The following VOPP1 variants were observed in gnomAD, a reference collection of about 807,000 sequenced individuals.
The protein encoded by VOPP1 is VOPP1 WW domain binding protein, also known as WW domain binding protein VOPP1.
A neutral mutation model predicts 23.5 loss-of-function variants in VOPP1; 8 were observed. That is an observed-to-expected ratio of 0.34 (90% CI 0.20 to 0.61). VOPP1 has a LOEUF of 0.61. VOPP1 is among the 20% of genes least tolerant of loss of function. VOPP1 has a pLI of 0.78. For synonymous variants in VOPP1, 83 were observed against 97.3 expected (o/e 0.85, Z 0.86); for missense variants, 174 against 238.1 (o/e 0.73, Z 1.77).
chr7:55,538,732 C>T, intron 1 of VOPP1: 1 of 1,423,836 alleles, frequency 7.0e-7, no homozygotes, highest in South Asian at 1.2e-5. Flanking sequence ...TGAGTCATGG[C>T]CATTCCTATA....
chr7:55,544,573 C>A (rs748589925), intron 1 of VOPP1, among the ~76,000 whole-genome samples: 28 of 152,148 alleles, frequency 1.8e-4, no homozygotes, highest in Admixed American at 3.3e-4. Context: ...TTTGGGTCTT[C>A]CCAAAAAGAA....
intron 4 of VOPP1, among the ~76,000 whole-genome samples, chr7:55,437,957 C>T (rs551583081): frequency 2.7e-4 from 40 of 150,588 alleles, no homozygotes; most frequent in African/African-American, 8.3e-4. Context: ...TACAGTGGCA[C>T]GATCTCAGCT....
chr7:55,479,241 G>C (rs1201836799), intron 4 of VOPP1, among the ~76,000 whole-genome samples: 1 of 151,452 alleles, frequency 6.6e-6, no homozygotes, highest in Non-Finnish European at 1.5e-5. Flanking sequence ...TGCCATGCTG[G>C]TGTGCTGCAC....
chr7:55,463,338 C>T (rs1791552854), intron 4 of VOPP1, among the ~76,000 whole-genome samples: 1 of 152,132 alleles, frequency 6.6e-6, no homozygotes, highest in Non-Finnish European at 1.5e-5. Flanking sequence ...ATTCTGTTTC[C>T]TTGCTTTTTC....
chr7:55,449,499 G>A (rs1380756832), intron 4 of VOPP1, among the ~76,000 whole-genome samples: 2 of 152,228 alleles, frequency 1.3e-5, no homozygotes, highest in East Asian at 3.9e-4. Context: ...GCCGGGGTGG[G>A]GGGCCGGTCT....
intron 2 of VOPP1, among the ~76,000 whole-genome samples, chr7:55,506,034 C>T (rs1794700236): frequency 6.6e-6 from 1 of 152,192 alleles, no homozygotes; most frequent in Admixed American, 6.5e-5. Flanking sequence ...CAATCGAGCA[C>T]AAAACACCCT....
downstream of VOPP1, among the ~76,000 whole-genome samples, chr7:55,435,193 T>G (rs985627662): frequency 6.6e-6 from 1 of 152,172 alleles, no homozygotes; most frequent in African/African-American, 2.4e-5. Context: ...CCCACTACGT[T>G]GCATGCAGAA....
chr7:55,491,174 T>C (rs1403534929), intron 4 of VOPP1, among the ~76,000 whole-genome samples: 2 of 152,234 alleles, frequency 1.3e-5, no homozygotes, highest in African/African-American at 2.4e-5. Flanking sequence ...TAAACATCTC[T>C]ATTACCTACA....
intron 1 of VOPP1, among the ~76,000 whole-genome samples, chr7:55,528,210 G>C (rs1796299631): frequency 6.6e-6 from 1 of 152,014 alleles, no homozygotes; most frequent in Non-Finnish European, 1.5e-5. Flanking sequence ...AAGAAAAAAA[G>C]GTCAATAAAA....
At chr7:55,499,551 G>C (rs186507620) in intron 2 of VOPP1, among the ~76,000 whole-genome samples, 2 of 152,356 alleles carry the variant, frequency 1.3e-5, no homozygotes, top group African/African-American at 4.8e-5. Context: ...GGAGAAAATA[G>C]TAAACGAGAA....
At chr7:55,558,155 T>TACACAGGACCTC (rs1382121673) in intron 1 of VOPP1, among the ~76,000 whole-genome samples, 3 of 152,120 alleles carry the variant, frequency 2.0e-5, no homozygotes, top group Non-Finnish European at 4.4e-5. Flanking sequence ...GGTCCTGCAG[T>TACACAGGACCTC]TAACACTACT....
chr7:55,545,350 C>CCA (rs1421268310), intron 1 of VOPP1, among the ~76,000 whole-genome samples: 1 of 152,150 alleles, frequency 6.6e-6, no homozygotes, highest in African/African-American at 2.4e-5. Flanking sequence ...ACTGAAGCCC[C>CCA]CAGTGCTGTG....
chr7:55,539,880 G>T (rs1797034979), intron 1 of VOPP1, among the ~76,000 whole-genome samples: 1 of 141,268 alleles, frequency 7.1e-6, no homozygotes, highest in Non-Finnish European at 1.5e-5. Context: ...ATAACAAACG[G>T]GCGCATAACA....
intron 2 of VOPP1, 77 bp downstream of exon 2, chr7:55,520,995 C>A: frequency 1.3e-6 from 2 of 1,491,152 alleles, no homozygotes; most frequent in South Asian, 1.2e-5. Flanking sequence ...CCATCCCACA[C>A]CCAGAACTTT....
intron 4 of VOPP1, among the ~76,000 whole-genome samples, chr7:55,440,435 T>C (rs1405696678): frequency 6.6e-6 from 1 of 152,204 alleles, no homozygotes; most frequent in Non-Finnish European, 1.5e-5. Context: ...AAAGGGCATC[T>C]GGGGGCTGAC....
chr7:55,495,834 G>A (rs1378029164), intron 3 of VOPP1, among the ~76,000 whole-genome samples: 4 of 152,206 alleles, frequency 2.6e-5, no homozygotes, highest in African/African-American at 7.2e-5. Context: ...ACGCCAGCTT[G>A]GAACCCTGTG....
At chr7:55,572,201 A>C in intron 1 of VOPP1, 70 bp downstream of exon 1, 1 of 1,363,810 alleles carries the variant, frequency 7.3e-7, no homozygotes, top group Non-Finnish European at 9.9e-7. Context: ...GGCGCCTCGG[A>C]ACTGCGCGCC....
At chr7:55,534,827 C>T (rs958406643) in intron 1 of VOPP1, among the ~76,000 whole-genome samples, 3 of 152,220 alleles carry the variant, frequency 2.0e-5, no homozygotes, top group African/African-American at 4.8e-5. Flanking sequence ...AAAGTACCAC[C>T]GCCCACTAGC....
intron 4 of VOPP1, among the ~76,000 whole-genome samples, chr7:55,474,558 G>C (rs1240714241): frequency 2.6e-5 from 4 of 152,222 alleles, no homozygotes; most frequent in Non-Finnish European, 2.9e-5. Context: ...AAGGCCCTAG[G>C]TTCTGCTCAC....
Sources: allele counts gnomAD v4.1 joint callset (sites outside exome capture counted in the v4.1 genomes callset), GRCh38; gene constraint gnomAD v4.1.1; transcripts MANE v1.5; gene names NCBI Gene and HGNC (gene_info 2026-07-23, HGNC 2026-07-21).